Variants in NTRK2 observed in about 807,000 individuals in gnomAD.
The protein encoded by NTRK2 is BDNF/NT-3 growth factors receptor.
A neutral mutation model predicts 94.5 loss-of-function variants in NTRK2; 13 were observed. That is an observed-to-expected ratio of 0.14 (90% CI 0.09 to 0.22). The LOEUF (loss-of-function observed/expected upper bound fraction) is 0.22. Ranked by LOEUF, NTRK2 falls within the 10% of genes least tolerant of loss-of-function variation. The pLI is 1.00. For missense variants in NTRK2, 639 were observed against 1,071.2 expected (o/e 0.60, Z 5.63); for synonymous variants, 372 against 407.4 (o/e 0.91, Z 1.05).
chr9:84,705,231 G>C (rs2060973433), intron 4 of NTRK2, among the ~76,000 whole-genome samples: 1 of 151,974 alleles, frequency 6.6e-6, no homozygotes, highest in Non-Finnish European at 1.5e-5. Flanking sequence ...GCATCACATG[G>C]GGACTGCCCA....
chr9:84,707,883 A>G lies in NTRK2; in HGVS notation c.399A>G (p.Lys133=), dbSNP rs78380801. The G allele has an allele frequency of 2.5e-6, 4 of 1,613,108 alleles. No homozygotes were observed. Among genetic ancestry groups the G allele is most frequent in the East Asian group, 2.2e-5 (1 of 44,766 alleles). Residue 133 remains lysine, a synonymous_variant, in exon 5 of 19, where the codon AAA becomes AAG. Transcript: ENST00000277120. ...TRNKLTSLSR[K]HFRHLDLSEL... The stretch of plus-strand genomic sequence containing the variant: ...ACAAACTGACGAGTTTGTCTAGGAA[A>G]CATTTCCGTCACCTTGACTTGTCTG...
intron 6 of NTRK2, among the ~76,000 whole-genome samples, chr9:84,721,912 G>A (rs1165757633): frequency 6.6e-6 from 1 of 152,144 alleles, no homozygotes; most frequent in Non-Finnish European, 1.5e-5. Flanking sequence ...CCCAGATTAT[G>A]CCATTGACTT....
intron 12 of NTRK2, among the ~76,000 whole-genome samples, chr9:84,788,978 C>T (rs892227531): frequency 1.4e-4 from 22 of 152,156 alleles, no homozygotes; most frequent in African/African-American, 2.2e-4. Flanking sequence ...CCAAAGCTTC[C>T]GCTTGTTAGC....
intron 9 of NTRK2, among the ~76,000 whole-genome samples, chr9:84,741,420 A>T (rs1335146577): frequency 6.6e-6 from 1 of 152,212 alleles, no homozygotes; most frequent in Non-Finnish European, 1.5e-5. Flanking sequence ...TTTAGATAGC[A>T]TTATGCAGGG....
At chr9:84,980,256 A>G (rs991470131) in intron 17 of NTRK2, among the ~76,000 whole-genome samples, 4 of 152,176 alleles carry the variant, frequency 2.6e-5, no homozygotes, top group Non-Finnish European at 5.9e-5. Context: ...TAATTAGCCT[A>G]ATTGTTTCCT....
intron 12 of NTRK2, among the ~76,000 whole-genome samples, chr9:84,838,515 G>A (rs769411610): frequency 2.1e-4 from 32 of 152,070 alleles, no homozygotes; most frequent in Non-Finnish European, 4.0e-4. Flanking sequence ...AAAATGATGA[G>A]ATCAAGATGT....
chr9:84,780,540 T>C (rs1280092397), intron 12 of NTRK2, among the ~76,000 whole-genome samples: 1 of 152,170 alleles, frequency 6.6e-6, no homozygotes, highest in African/African-American at 2.4e-5. Flanking sequence ...TAAATCAACG[T>C]AGGCAGATGC....
intron 12 of NTRK2, among the ~76,000 whole-genome samples, chr9:84,789,285 G>A (rs868020815): frequency 6.6e-6 from 1 of 152,196 alleles, no homozygotes; most frequent in Non-Finnish European, 1.5e-5. Context: ...CAAGCAGGTT[G>A]TGAAATGGCT....
intron 9 of NTRK2, among the ~76,000 whole-genome samples, chr9:84,737,692 C>T (rs1296690162): frequency 6.6e-6 from 1 of 151,654 alleles, no homozygotes; most frequent in Non-Finnish European, 1.5e-5. Flanking sequence ...AGGTTTGTTA[C>T]GTGGGTCTAT....
chr9:85,008,469 AATG>A (rs558861259), intron 17 of NTRK2, among the ~76,000 whole-genome samples: 278 of 152,294 alleles, frequency 1.8e-3, no homozygotes, highest in Non-Finnish European at 3.3e-3. Context: ...AATGTGTTGA[AATG>A]GACTGAAATA....
At chr9:84,920,444 T>A (rs2077526568) in intron 14 of NTRK2, among the ~76,000 whole-genome samples, 1 of 152,168 alleles carries the variant, frequency 6.6e-6, no homozygotes, top group Non-Finnish European at 1.5e-5. Flanking sequence ...CCAGACTGGA[T>A]GTGGCAGTGC....
At chr9:84,940,416 G>C (rs2078367932) in intron 15 of NTRK2, among the ~76,000 whole-genome samples, 1 of 152,282 alleles carries the variant, frequency 6.6e-6, no homozygotes, top group African/African-American at 2.4e-5. Context: ...TAGTGCAGCT[G>C]TCTCTTGCCT....
At chr9:84,727,396 C>T (rs1435251514) in intron 8 of NTRK2, among the ~76,000 whole-genome samples, 1 of 152,138 alleles carries the variant, frequency 6.6e-6, no homozygotes, top group Non-Finnish European at 1.5e-5. Context: ...TTCACTTATA[C>T]TGAATAGATT....
At chr9:84,959,461 G>T (rs1162451013) in intron 17 of NTRK2, among the ~76,000 whole-genome samples, 1 of 152,188 alleles carries the variant, frequency 6.6e-6, no homozygotes, top group Non-Finnish European at 1.5e-5. Context: ...CAGCCTTGAG[G>T]GATAGCCATG....
intron 12 of NTRK2, among the ~76,000 whole-genome samples, chr9:84,758,016 A>G (rs112609179): frequency 0.017 from 2,534 of 152,164 alleles, 80 homozygotes; most frequent in African/African-American, 0.057. Flanking sequence ...TCTTTTGGCT[A>G]TTTGAGTTTA....
intron 17 of NTRK2, among the ~76,000 whole-genome samples, chr9:84,977,467 T>C (rs944902212): frequency 6.6e-6 from 1 of 152,226 alleles, no homozygotes; most frequent in African/African-American, 2.4e-5. Context: ...AGGTAGAATG[T>C]CTCCTTGTTC....
At chr9:84,680,401 A>T (rs1453469611) in intron 2 of NTRK2, among the ~76,000 whole-genome samples, 2 of 152,164 alleles carry the variant, frequency 1.3e-5, no homozygotes, top group Non-Finnish European at 2.9e-5. Flanking sequence ...TCTGTCAAAT[A>T]ATTTTTGATA....
At chr9:84,816,062 T>G (rs2072366368) in intron 12 of NTRK2, among the ~76,000 whole-genome samples, 1 of 152,134 alleles carries the variant, frequency 6.6e-6, no homozygotes, top group Non-Finnish European at 1.5e-5. Flanking sequence ...CCTTTGGTAT[T>G]TTAAAAATTT....
At chr9:84,865,048 T>C (rs1217093201) in intron 13 of NTRK2, among the ~76,000 whole-genome samples, 1 of 152,124 alleles carries the variant, frequency 6.6e-6, no homozygotes, top group Non-Finnish European at 1.5e-5. Flanking sequence ...CAACACATCT[T>C]CATTTTTAAT....
Sources: allele counts gnomAD v4.1 joint callset (sites outside exome capture counted in the v4.1 genomes callset), GRCh38; gene constraint gnomAD v4.1.1; transcripts MANE v1.5; gene names NCBI Gene and HGNC (gene_info 2026-07-23, HGNC 2026-07-21).